The following CCDC192 variants were observed in gnomAD, a reference collection of about 807,000 sequenced individuals.
The protein encoded by CCDC192 is coiled-coil domain-containing protein 192.
At chr5:127,780,675 T>G (rs60570781) in intron 3 of CCDC192, among the ~76,000 whole-genome samples, 3,298 of 152,252 alleles carry the variant, frequency 0.022, 121 homozygotes, top group African/African-American at 0.075. Context: ...GGACTGCTTG[T>G]TTTTTTCTTG....
At chr5:127,920,981 G>A (rs1273847679) in intron 6 of CCDC192, among the ~76,000 whole-genome samples, 2 of 151,846 alleles carry the variant, frequency 1.3e-5, no homozygotes, top group Non-Finnish European at 2.9e-5. Flanking sequence ...AGGCTGCAGT[G>A]AGTCATGCTT....
intron 6 of CCDC192, among the ~76,000 whole-genome samples, chr5:127,936,906 A>G: frequency 6.6e-6 from 1 of 152,198 alleles, no homozygotes; most frequent in South Asian, 2.1e-4. Flanking sequence ...GGGGACACAC[A>G]TCACTTCCTG....
At chr5:127,833,542 A>G (rs1749896024) in intron 5 of CCDC192, among the ~76,000 whole-genome samples, 1 of 152,132 alleles carries the variant, frequency 6.6e-6, no homozygotes, top group African/African-American at 2.4e-5. Flanking sequence ...ATTGCTTCAT[A>G]TTATTTGAAT....
chr5:127,882,136 A>C (rs917508102), intron 6 of CCDC192, among the ~76,000 whole-genome samples: 11 of 152,158 alleles, frequency 7.2e-5, no homozygotes, highest in Admixed American at 3.9e-4. Flanking sequence ...CTTATCCAAG[A>C]CTCAATGTCT....
At chr5:127,729,596 C>G (rs986692772) in intron 2 of CCDC192, among the ~76,000 whole-genome samples, 2 of 152,178 alleles carry the variant, frequency 1.3e-5, no homozygotes, top group Non-Finnish European at 2.9e-5. Flanking sequence ...GGCACTTACT[C>G]TAAAATCAGT....
At chr5:127,706,771 T>TA (rs1174315121) in intron 1 of CCDC192, among the ~76,000 whole-genome samples, 3 of 152,130 alleles carry the variant, frequency 2.0e-5, no homozygotes. Flanking sequence ...AAGCAAACTA[T>TA]ATAGTATGTT....
At chr5:127,823,755 G>T (rs1364422730) in intron 5 of CCDC192, among the ~76,000 whole-genome samples, 1 of 152,194 alleles carries the variant, frequency 6.6e-6, no homozygotes, top group African/African-American at 2.4e-5. Context: ...AGGCCTCAAA[G>T]AGGTCAAAGG....
At chr5:127,814,562 T>C (rs1393287842) in intron 5 of CCDC192, among the ~76,000 whole-genome samples, 1 of 152,228 alleles carries the variant, frequency 6.6e-6, no homozygotes, top group Non-Finnish European at 1.5e-5. Flanking sequence ...GTTTAATGCT[T>C]ATAAATGTGT....
rs1281917011 is a variant in CCDC192 at position 127,837,320 on chromosome 5, C to A, written c.412-38218C>A. On this transcript the variant is annotated intron_variant, in intron 5 of 6. Coordinates refer to ENST00000514853, the MANE Select transcript of CCDC192 (RefSeq NM_001317938.2). ...TCACAGTTCTACATGGCTGGGGAGG[C>A]CTCAGGAAACTTACAATCATGGTGG... 2.5e-5 allele frequency among the ~76,000 whole-genome samples: 2 copies of A among 81,310 alleles called. 1 individual carries two copies. Among genetic ancestry groups the A allele is most frequent in the African/African-American group, 8.2e-5 (2 of 24,420 alleles). 53.3% of individuals were successfully genotyped at this position (81,310 alleles called of 152,430 possible).
intron 5 of CCDC192, among the ~76,000 whole-genome samples, chr5:127,848,222 A>G (rs1750648721): frequency 6.6e-6 from 1 of 152,144 alleles, no homozygotes; most frequent in Non-Finnish European, 1.5e-5. Context: ...AGTCAGTGCC[A>G]TAGTAAACCC....
intron 5 of CCDC192, among the ~76,000 whole-genome samples, chr5:127,824,992 G>A (rs1749459615): frequency 6.6e-6 from 1 of 152,184 alleles, no homozygotes; most frequent in East Asian, 1.9e-4. Context: ...TCATCTTTAA[G>A]ATAATCTGGA....
intron 5 of CCDC192, among the ~76,000 whole-genome samples, chr5:127,812,546 TA>T (rs1758135912): frequency 6.6e-6 from 1 of 152,200 alleles, no homozygotes; most frequent in Admixed American, 6.5e-5. Flanking sequence ...TAAAAGCATA[TA>T]TTTTTTGGTA....
At chr5:127,721,173 G>C (rs1580530616) in intron 2 of CCDC192, among the ~76,000 whole-genome samples, 1 of 152,130 alleles carries the variant, frequency 6.6e-6, no homozygotes, top group Middle Eastern at 3.2e-3. Context: ...TTTACACTCT[G>C]CTTCCCTTTT....
chr5:127,846,066 G>A (rs943045306), intron 5 of CCDC192, among the ~76,000 whole-genome samples: 1 of 152,070 alleles, frequency 6.6e-6, no homozygotes, highest in Non-Finnish European at 1.5e-5. Context: ...TGAGGCAGGT[G>A]GATCATGAGG....
chr5:127,807,135 G>T (rs953561539), intron 5 of CCDC192, among the ~76,000 whole-genome samples: 11 of 152,166 alleles, frequency 7.2e-5, no homozygotes, highest in Admixed American at 3.9e-4. Flanking sequence ...ACATGAAGTG[G>T]TTAGCAGAGT....
chr5:127,760,827 CAGA>C (rs753019282), intron 3 of CCDC192, among the ~76,000 whole-genome samples: 30 of 151,504 alleles, frequency 2.0e-4, no homozygotes, highest in Non-Finnish European at 3.4e-4. Flanking sequence ...CTTAAGTTAG[CAGA>C]AGATGGCAAG....
At chr5:127,895,361 G>C (rs537104207) in intron 6 of CCDC192, among the ~76,000 whole-genome samples, 9 of 152,286 alleles carry the variant, frequency 5.9e-5, no homozygotes, top group African/African-American at 2.2e-4. Flanking sequence ...GAAAAGAAAA[G>C]CCAACGCCCA....
chr5:127,796,822 C>CT (rs1469225166), intron 3 of CCDC192, among the ~76,000 whole-genome samples: 1 of 152,164 alleles, frequency 6.6e-6, no homozygotes, highest in Non-Finnish European at 1.5e-5. Flanking sequence ...GTGTTGAGGT[C>CT]TTTGCATTCA....
intron 6 of CCDC192, among the ~76,000 whole-genome samples, chr5:127,881,541 A>C (rs1004690750): frequency 6.6e-6 from 1 of 152,244 alleles, no homozygotes; most frequent in African/African-American, 2.4e-5. Flanking sequence ...GAATATTTTT[A>C]GGCATATTCA....
Sources: allele counts gnomAD v4.1 joint callset (sites outside exome capture counted in the v4.1 genomes callset), GRCh38; gene constraint gnomAD v4.1.1; transcripts MANE v1.5; gene names NCBI Gene and HGNC (gene_info 2026-07-23, HGNC 2026-07-21).